DAB1: variants seen among roughly 807,000 people sequenced by gnomAD.
DAB1 encodes the protein disabled homolog 1.
In DAB1, 15 loss-of-function variants were observed where a neutral mutation model predicts 64.6. That is an observed-to-expected ratio of 0.23 (90% CI 0.16 to 0.36). The LOEUF (loss-of-function observed/expected upper bound fraction) is 0.36. Ranked by LOEUF, DAB1 falls within the 10% of genes least tolerant of loss-of-function variation. The pLI, the probability that DAB1 is intolerant of heterozygous loss-of-function variation, is 1.00. For synonymous variants in DAB1, 235 were observed against 251.9 expected, an observed-to-expected ratio of 0.93 and a Z score of 0.64; for missense variants, 596 against 706.7, an observed-to-expected ratio of 0.84 and a Z score of 1.78.
chr1:57,533,110 C>G (rs1332964733), intron 7 of DAB1, among the ~76,000 whole-genome samples: 1 of 151,938 alleles, frequency 6.6e-6, no homozygotes. Flanking sequence ...TGCTTCTTCC[C>G]AGAGGATAAT....
At chr1:57,665,288 T>C in intron 6 of DAB1, among the ~76,000 whole-genome samples, 1 of 152,028 alleles carries the variant, frequency 6.6e-6, no homozygotes, top group East Asian at 1.9e-4. Context: ...TTAACAAAAT[T>C]TGGTGGCTTT....
In DAB1 at chr1:58,051,564, G is replaced by C. The variant is rs190210756; in HGVS notation, n.387+98947C>G. Among the ~76,000 whole-genome samples the C allele has an allele frequency of 2.8e-3, 434 of 152,314 alleles. 5 individuals are homozygous for C. The highest frequency in any genetic ancestry group is 9.7e-3 in the African/African-American group (404 of 41,578). Reference sequence around the variant, plus strand: ...TTATAACCCTTTGGGTATATACCCAGTAATGGGATTGCTGGGTCAAATGGT... The same window carrying C: ...TTATAACCCTTTGGGTATATACCCACTAATGGGATTGCTGGGTCAAATGGT... On this transcript the variant is annotated intron_variant and non_coding_transcript_variant, in intron 5 of 20. Transcript: ENST00000485760.
intron 3 of DAB1, among the ~76,000 whole-genome samples, chr1:58,421,995 C>T (rs1209666303): frequency 7.0e-6 from 1 of 143,484 alleles, no homozygotes; most frequent in Non-Finnish European, 1.6e-5. Context: ...ATTAAGTAGA[C>T]GTCAAAAAAA....
intron 7 of DAB1, among the ~76,000 whole-genome samples, chr1:57,629,988 A>G (rs888745556): frequency 6.6e-6 from 1 of 152,214 alleles, no homozygotes; most frequent in Non-Finnish European, 1.5e-5. Flanking sequence ...CTTATTAAAC[A>G]GGAAAAAGAT....
Position 57,202,466 on chromosome 1 carries a change from A to G in DAB1, c.68-57037T>C, listed in dbSNP as rs1292923107. Among the ~76,000 whole-genome samples, 3 of 152,198 alleles carry G rather than the reference A, an allele frequency of 2.0e-5. No homozygotes were observed. The East Asian group carries it at 5.8e-4, about 29-fold the overall frequency. ...AAATGCAAAGAGAGGCCAGGTCTGTAACTAAGATCCGTTTACCTGCATTCA... is the reference window on the plus strand; with the variant it reads ...AAATGCAAAGAGAGGCCAGGTCTGTGACTAAGATCCGTTTACCTGCATTCA... On this transcript the variant is annotated intron_variant, in intron 2 of 14. Coordinates refer to ENST00000371236, the MANE Select transcript of DAB1 (RefSeq NM_001365792.1).
chr1:57,099,137 G>C (rs890109991), intron 4 of DAB1, among the ~76,000 whole-genome samples: 1 of 152,142 alleles, frequency 6.6e-6, no homozygotes, highest in African/African-American at 2.4e-5. Context: ...ATCTACTGGG[G>C]ACCTCATAAG....
At chr1:57,030,204 C>T (rs1253631595) in intron 9 of DAB1, among the ~76,000 whole-genome samples, 1 of 152,198 alleles carries the variant, frequency 6.6e-6, no homozygotes, top group East Asian at 1.9e-4. Context: ...TTTGCATCTT[C>T]CTCATTTTCT....
At chr1:58,473,552 ATAAATAAAT>A in intron 3 of DAB1, among the ~76,000 whole-genome samples, 1 of 108,120 alleles carries the variant, frequency 9.2e-6, no homozygotes, top group Non-Finnish European at 2.0e-5. Flanking sequence ...AAAAAAATAA[ATAAATAAAT>A]AAATAAATAA....
At position 58,092,994 on chromosome 1, in the gene DAB1, G is replaced by T. The variant is rs1028878385; in HGVS notation, n.387+57517C>A. On this transcript the variant is annotated intron_variant and non_coding_transcript_variant, in intron 5 of 20. Transcript: ENST00000485760. The stretch of plus-strand genomic sequence containing the variant: ...TTGTCTCTATTTAAATATTTTAATG[G>T]TTCACTATTGGAATAAAGCCTAAAC... 2.0e-5 allele frequency among the ~76,000 whole-genome samples: 3 copies of T among 152,122 alleles called. No homozygotes were observed. The South Asian group carries it at 6.2e-4, about 32-fold the overall frequency.
In DAB1 at chr1:57,495,182, C is replaced by G. The variant is rs577989123; in HGVS notation, n.625+154410G>C. Among the ~76,000 whole-genome samples, 4 of 152,220 alleles carry G rather than the reference C, an allele frequency of 2.6e-5. No homozygotes were observed. In the South Asian group the frequency reaches 8.3e-4, roughly 32 times the overall value. On this transcript the variant is annotated intron_variant and non_coding_transcript_variant, in intron 7 of 20. Transcript: ENST00000485760. ...AAGCTTCTAAAAATATGAGATTTGC[C>G]TAGATTAACTGAAATTCAACATCTC...
intron 7 of DAB1, among the ~76,000 whole-genome samples, chr1:57,577,546 G>T (rs1645264586): frequency 6.6e-6 from 1 of 152,082 alleles, no homozygotes; most frequent in South Asian, 2.1e-4. Context: ...TATGTGGTAG[G>T]TATTGTTACT....
chr1:58,072,533 A>C (rs1649340539), intron 5 of DAB1, among the ~76,000 whole-genome samples: 1 of 152,220 alleles, frequency 6.6e-6, no homozygotes, highest in South Asian at 2.1e-4. Flanking sequence ...TCACCCACAG[A>C]GTTGCTGTGA....
chr1:57,157,932 C>G, intron 2 of DAB1, among the ~76,000 whole-genome samples: 1 of 152,138 alleles, frequency 6.6e-6, no homozygotes, highest in South Asian at 2.1e-4. Flanking sequence ...AACGGAGGCA[C>G]AGGGAAATGA....
chr1:57,761,430 G>C (rs568080285), intron 6 of DAB1, among the ~76,000 whole-genome samples: 7 of 152,256 alleles, frequency 4.6e-5, no homozygotes, highest in Admixed American at 2.6e-4. Flanking sequence ...TCATGATTAT[G>C]GGGCTTGGAT....
At chr1:57,519,650 T>C (rs923687789) in intron 7 of DAB1, among the ~76,000 whole-genome samples, 1 of 152,122 alleles carries the variant, frequency 6.6e-6, no homozygotes, top group African/African-American at 2.4e-5. Flanking sequence ...AAAGAATAGA[T>C]TCCTGTGCTG....
intron 4 of DAB1, among the ~76,000 whole-genome samples, chr1:57,131,971 AG>A (rs997357184): frequency 2.0e-5 from 3 of 152,180 alleles, no homozygotes; most frequent in African/African-American, 7.2e-5. Flanking sequence ...ATCTTTATAC[AG>A]GTACCCAATA....
rs1205328993 is a variant in DAB1, at chr1:57,018,113, A to AT, written c.896-2683dup. 2.0e-5 allele frequency among the ~76,000 whole-genome samples: 3 copies of AT among 152,290 alleles called. No individual in the cohort carries two copies. The East Asian group carries it at 5.8e-4, about 29-fold the overall frequency. On this transcript the variant is annotated intron_variant, in intron 11 of 14. Transcript: ENST00000371236. Reference sequence around the variant, plus strand: ...AGAATCGACTTTGAATTACATGGAAATTCAGTTATCTTTGCATTTGATTTT... The same window carrying AT: ...AGAATCGACTTTGAATTACATGGAAATTTCAGTTATCTTTGCATTTGATTTT...
intron 4 of DAB1, among the ~76,000 whole-genome samples, chr1:58,281,655 CTT>C (rs1160990843): frequency 2.0e-5 from 3 of 152,248 alleles, no homozygotes; most frequent in Admixed American, 6.5e-5. Context: ...AATCCAAACT[CTT>C]TATGAATGGC....
At chr1:57,443,644 T>C (rs1289250576) in intron 7 of DAB1, among the ~76,000 whole-genome samples, 1 of 152,200 alleles carries the variant, frequency 6.6e-6, no homozygotes, top group African/African-American at 2.4e-5. Flanking sequence ...AGCACACTTG[T>C]TAAATGCCTG....
Sources: gnomAD v4.1 joint callset for allele counts (sites outside exome capture counted in the v4.1 genomes callset) on GRCh38, gnomAD v4.1.1 for gene constraint, MANE v1.5 for transcripts, NCBI Gene and HGNC (gene_info 2026-07-23, HGNC 2026-07-21) for gene names.